Variants in PPP2R5D observed in about 807,000 individuals in gnomAD.
PPP2R5D encodes serine/threonine-protein phosphatase 2A 56 kDa regulatory subunit delta isoform.
In PPP2R5D, 12 loss-of-function variants were observed where a neutral mutation model predicts 79.1. The observed-to-expected ratio is 0.15, with a 90% CI of 0.10 to 0.25. The LOEUF (loss-of-function observed/expected upper bound fraction) is 0.25, where lower values mean the gene tolerates loss of function less well. Ranked by LOEUF, PPP2R5D falls within the 10% of genes least tolerant of loss-of-function variation. The pLI, the probability that PPP2R5D is intolerant of heterozygous loss-of-function variation, is 1.00. For synonymous variants in PPP2R5D, 277 were observed against 286.6 expected, an observed-to-expected ratio of 0.97 and a Z score of 0.34; for missense variants, 419 against 760.2, an observed-to-expected ratio of 0.55 and a Z score of 5.28.
chr6:42,987,591 A>C (rs1375645803), intron 1 of PPP2R5D, among the ~76,000 whole-genome samples: 1 of 152,152 alleles, frequency 6.6e-6, no homozygotes, highest in Non-Finnish European at 1.5e-5. Flanking sequence ...CCCAAAACAC[A>C]GGGCTGAGTC....
chr6:43,003,237 A>G (rs2150272639), intron 2 of PPP2R5D, among the ~76,000 whole-genome samples: 1 of 152,202 alleles, frequency 6.6e-6, no homozygotes, highest in African/African-American at 2.4e-5. Context: ...AGCCTGGCCA[A>G]CGTGGAGAAA....
In PPP2R5D at chr6:43,008,601, C is replaced by T; in HGVS notation, c.1027-92C>T. 2.0e-6 allele frequency: 3 copies of T among 1,504,582 alleles called. No homozygotes were observed. The highest frequency in any genetic ancestry group is 2.8e-6 in the Non-Finnish European group (3 of 1,083,174). The allele number at this position is 1,504,582 out of a possible 1,614,324, so 93.2% of individuals were successfully genotyped here. ...GGGATAATTCCTTCCCTCCATCTCC[C>T]CTTCCCTTCTGGGATCTTGTTTCTA... On this transcript the variant is annotated intron_variant, in intron 9 of 15. Transcript: ENST00000485511. This position sits in a 1 kb window ranked among gnomAD's most constrained non-coding sequence, Gnocchi z 4.2.
Position 43,007,829 on chromosome 6 carries a change from A to T in PPP2R5D, c.727-106A>T. Reference sequence around the variant, plus strand: ...TGCTTTCTAAGACTTGCTGGCCCCCACTCCAGGGGACCTCTGCATTTCCCC... The same window carrying T: ...TGCTTTCTAAGACTTGCTGGCCCCCTCTCCAGGGGACCTCTGCATTTCCCC... On this transcript the variant is annotated intron_variant, in intron 6 of 15. Coordinates refer to ENST00000485511, the MANE Select transcript of PPP2R5D (RefSeq NM_006245.4). The surrounding 1 kb of genome is among the most constrained non-coding windows in gnomAD (Gnocchi z 4.5). The T allele has an allele frequency of 7.0e-7, 1 of 1,423,984 alleles. No homozygotes were observed. Among genetic ancestry groups the T allele is most frequent in the East Asian group, 2.3e-5 (1 of 43,498 alleles). 88.2% of individuals were successfully genotyped at this position (1,423,984 alleles called of 1,614,324 possible). A position where few individuals can be genotyped will look rare whatever the true frequency, so the allele number is the denominator to read the frequency against.
chr6:42,993,352 T>G (rs1036602989), intron 2 of PPP2R5D, among the ~76,000 whole-genome samples: 1 of 151,092 alleles, frequency 6.6e-6, no homozygotes, highest in Non-Finnish European at 1.5e-5. Context: ...GCACCTGTAA[T>G]CCCAGCTACT....
intron 2 of PPP2R5D, among the ~76,000 whole-genome samples, chr6:42,996,741 C>T (rs1053082474): frequency 1.3e-5 from 2 of 152,062 alleles, no homozygotes; most frequent in Non-Finnish European, 2.9e-5. Flanking sequence ...ATCTTTAATG[C>T]TTAGCATGAT....
intron 1 of PPP2R5D, among the ~76,000 whole-genome samples, chr6:42,985,361 A>G (rs1329546559): frequency 6.6e-6 from 1 of 152,234 alleles, no homozygotes; most frequent in Non-Finnish European, 1.5e-5. Context: ...CTCTGAGCGC[A>G]TGCAGTGCAA....
In PPP2R5D at chr6:43,008,147, A is replaced by C; in HGVS notation, c.858-54A>C. 6.2e-7 allele frequency: 1 copy of C among 1,613,976 alleles called. No homozygotes were observed. Among genetic ancestry groups the C allele is most frequent in the Non-Finnish European group, 8.5e-7 (1 of 1,179,930 alleles). On this transcript the variant is annotated intron_variant, in intron 7 of 15. Coordinates refer to ENST00000485511, the MANE Select transcript of PPP2R5D (RefSeq NM_006245.4). This position sits in a 1 kb window ranked among gnomAD's most constrained non-coding sequence, Gnocchi z 4.2. The stretch of plus-strand genomic sequence containing the variant: ...GAGCAGGGAGGTGGGGGGACTGTAC[A>C]GAATGCTGGAGGGACATCAGGGGTT...
Position 43,011,169 on chromosome 6 carries a change from G to A in PPP2R5D, c.1692G>A (p.Lys564=), listed in dbSNP as rs775123304. The A allele has an allele frequency of 1.2e-6, 2 of 1,614,152 alleles. No individual in the cohort carries two copies. Among genetic ancestry groups the A allele is most frequent in the African/African-American group, 2.7e-5 (2 of 75,026 alleles). Reference sequence around the variant, plus strand: ...CACAGATGCTAAAAGACATCAAGAAGGAGAAAGTGCTGCTGCGGAGGAAGT... The same window carrying A: ...CACAGATGCTAAAAGACATCAAGAAAGAGAAAGTGCTGCTGCGGAGGAAGT... ...EAVQMLKDIK[K]EKVLLRRKSE... The change falls in exon 16 of 16, where the codon AAG becomes AAA. Residue 564 remains lysine (K), a synonymous_variant. Coordinates refer to ENST00000485511, the MANE Select transcript of PPP2R5D (RefSeq NM_006245.4).
intron 1 of PPP2R5D, 31 bp downstream of exon 1, chr6:42,984,735 C>T (rs371872501): frequency 1.9e-5 from 30 of 1,611,304 alleles, no homozygotes; most frequent in Non-Finnish European, 2.5e-5. Context: ...CCCACCGCCG[C>T]CTTGGAGCCT....
rs1053215757 is a variant in PPP2R5D, at chr6:43,002,391, C to A, written c.106-4072C>A. On this transcript the variant is annotated intron_variant, in intron 2 of 15. Coordinates refer to ENST00000485511, the MANE Select transcript of PPP2R5D (RefSeq NM_006245.4). ...TGTTGGCCAGGCTGCTCTCAAACTC[C>A]TGACCTCGTGATCCGCCCGCCTCTG... Among the ~76,000 whole-genome samples, 7 of 152,258 alleles carry A rather than the reference C, an allele frequency of 4.6e-5. No homozygotes were observed. In the East Asian group the frequency reaches 7.7e-4, roughly 17 times the overall value.
chr6:43,003,372 A>C (rs933536179), intron 2 of PPP2R5D, among the ~76,000 whole-genome samples: 2 of 152,182 alleles, frequency 1.3e-5, no homozygotes, highest in African/African-American at 4.8e-5. Context: ...CAGTGAGCCA[A>C]CATTCTGCCA....
rs1332738135 is a variant in PPP2R5D at position 42,984,840 on chromosome 6, C to T, written c.27+136C>T. The T allele has an allele frequency of 5.1e-5, 69 of 1,358,884 alleles. 1 individual carries two copies. The highest frequency in any genetic ancestry group is 3.9e-4 in the South Asian group (26 of 66,576). 84.2% of individuals were successfully genotyped at this position (1,358,884 alleles called of 1,614,324 possible). ...CGCAGGACTCCTGGGGCCAGCCCTC[C>T]GCCCCCGCGGCTGGCAGCACCCCCA... On this transcript the variant is annotated intron_variant, in intron 1 of 15. Coordinates refer to ENST00000485511, the MANE Select transcript of PPP2R5D (RefSeq NM_006245.4).
At chr6:42,994,858 G>T (rs1280880671) in intron 2 of PPP2R5D, among the ~76,000 whole-genome samples, 1 of 151,242 alleles carries the variant, frequency 6.6e-6, no homozygotes, top group Non-Finnish European at 1.5e-5. Flanking sequence ...ACTCCTCTAC[G>T]TGCTGAGCCC....
intron 1 of PPP2R5D, among the ~76,000 whole-genome samples, chr6:42,988,800 A>G (rs767496207): frequency 2.8e-4 from 42 of 152,368 alleles, no homozygotes; most frequent in Non-Finnish European, 4.7e-4. Flanking sequence ...TGAGCTGCAC[A>G]TGGATGATTT....
At chr6:42,999,974 C>T (rs7774348) in intron 2 of PPP2R5D, among the ~76,000 whole-genome samples, 13,946 of 150,642 alleles carry the variant, frequency 0.093, 1,013 homozygotes, top group East Asian at 0.18. Context: ...CTTGCTCTGT[C>T]GCCCATGCTA....
intron 2 of PPP2R5D, among the ~76,000 whole-genome samples, chr6:43,004,028 C>CT (rs2150273870): frequency 7.2e-6 from 1 of 138,944 alleles, no homozygotes; most frequent in South Asian, 2.4e-4. Context: ...TGTGTATTTA[C>CT]TTTTTGAAGA....
intron 2 of PPP2R5D, among the ~76,000 whole-genome samples, chr6:42,997,449 C>T (rs994358152): frequency 3.9e-5 from 6 of 152,022 alleles, no homozygotes; most frequent in Non-Finnish European, 7.3e-5. Context: ...ACCTCAGCCT[C>T]CCAAAGTGCT....
Position 43,006,402 on chromosome 6 carries a change from A to C in PPP2R5D, c.106-61A>C. 1 of 1,572,650 alleles carries C rather than the reference A, an allele frequency of 6.4e-7. No individual in the cohort carries two copies. On this transcript the variant is annotated intron_variant, in intron 2 of 15. Coordinates refer to ENST00000485511, the MANE Select transcript of PPP2R5D (RefSeq NM_006245.4). The surrounding 1 kb of genome is among the most constrained non-coding windows in gnomAD (Gnocchi z 4.7). ...GGCATAAACAGACTTGGGGATGGCC[A>C]GGCCCAGGGTGGGAGGCATATCTTG...
intron 2 of PPP2R5D, among the ~76,000 whole-genome samples, chr6:42,993,157 C>T (rs569212179): frequency 2.0e-5 from 3 of 151,780 alleles, no homozygotes; most frequent in Middle Eastern, 3.2e-3. Flanking sequence ...ATTAGCCAGG[C>T]GTGGTGGCAC....
Sources: gnomAD v4.1 joint callset for allele counts (sites outside exome capture counted in the v4.1 genomes callset) on GRCh38, gnomAD v4.1.1 for gene constraint, Gnocchi (gnomAD v3.1) non-coding constraint, MANE v1.5 for transcripts, NCBI Gene and HGNC (gene_info 2026-07-23, HGNC 2026-07-21) for gene names.